Variants in PRH1 observed in about 807,000 individuals in gnomAD.
PRH1 encodes proline rich protein HaeIII subfamily 1.
A neutral mutation model predicts 7.9 loss-of-function variants in PRH1; 7 were observed. The observed-to-expected ratio is 0.89, with a 90% CI of 0.50 to 1.67. PRH1 has a LOEUF of 1.67. Ranked by LOEUF, PRH1 falls within the 40% of genes most tolerant of loss-of-function variation. The pLI is 0.00. For missense variants in PRH1, 109 were observed against 223.6 expected, an observed-to-expected ratio of 0.49 and a Z score of 3.27; for synonymous variants, 45 against 80.8, an observed-to-expected ratio of 0.56 and a Z score of 2.38.
chr12:10,949,278 A>C (rs1184362686), intron 2 of PRH1, among the ~76,000 whole-genome samples: 1 of 152,182 alleles, frequency 6.6e-6, no homozygotes, highest in African/African-American at 2.4e-5. Context: ...TGTGGGACCC[A>C]TGGAAGTCTA....
chr12:10,882,172 C>A, intron 3 of PRH1, 45 bp downstream of exon 3: 1 of 1,608,370 alleles, frequency 6.2e-7, no homozygotes, highest in Non-Finnish European at 8.5e-7. Flanking sequence ...AGTTGGAGAA[C>A]TGTAGCAGTT....
intron 2 of PRH1, among the ~76,000 whole-genome samples, chr12:10,923,050 G>A (rs1185148554): frequency 6.7e-6 from 1 of 149,074 alleles, no homozygotes; most frequent in Non-Finnish European, 1.5e-5. Flanking sequence ...GGATGGTCTC[G>A]ATCTCCTGAC....
At chr12:11,163,809 A>G (rs1947487758) in intron 1 of PRH1, among the ~76,000 whole-genome samples, 1 of 152,222 alleles carries the variant, frequency 6.6e-6, no homozygotes. Context: ...ACTCTACCAT[A>G]TACCATCCCC....
chr12:11,162,961 T>C (rs1410990724), intron 1 of PRH1, among the ~76,000 whole-genome samples: 1 of 152,182 alleles, frequency 6.6e-6, no homozygotes, highest in Non-Finnish European at 1.5e-5. Flanking sequence ...ATGAGAAAGA[T>C]TGCTATATAG....
At chr12:11,135,638 G>T (rs1480080259) in intron 1 of PRH1, among the ~76,000 whole-genome samples, 1 of 152,160 alleles carries the variant, frequency 6.6e-6, no homozygotes, top group African/African-American at 2.4e-5. Context: ...TGGGAAATGT[G>T]TACAACCTTG....
chr12:10,984,569 T>G (rs763812843), intron 1 of PRH1, among the ~76,000 whole-genome samples: 3 of 152,108 alleles, frequency 2.0e-5, no homozygotes, highest in Admixed American at 1.3e-4. Flanking sequence ...GAGTCAACAG[T>G]AAGCAAGATC....
intron 1 of PRH1, among the ~76,000 whole-genome samples, chr12:10,989,162 G>A (rs1475725485): frequency 6.6e-6 from 1 of 151,698 alleles, no homozygotes; most frequent in South Asian, 2.1e-4. Context: ...TCTATGATAC[G>A]GTTTTACCTA....
chr12:11,126,403 A>C (rs1472534667), intron 1 of PRH1, among the ~76,000 whole-genome samples: 1 of 151,500 alleles, frequency 6.6e-6, no homozygotes, highest in Non-Finnish European at 1.5e-5. Context: ...ATGTAGTGCA[A>C]ATTTGTTCAT....
chr12:11,135,503 C>T (rs1946523599), intron 1 of PRH1, among the ~76,000 whole-genome samples: 1 of 95,414 alleles, frequency 1.0e-5, no homozygotes. Context: ...CCAGAGCTAT[C>T]CAACAAACCC....
chr12:11,132,881 C>T (rs1037937421), intron 1 of PRH1: 1 of 162,538 alleles, frequency 6.2e-6, no homozygotes, highest in African/African-American at 2.4e-5. Flanking sequence ...TGTAAGCACA[C>T]TGTGGTATAT....
chr12:11,141,912 G>A (rs1157952701), intron 1 of PRH1, among the ~76,000 whole-genome samples: 2 of 152,042 alleles, frequency 1.3e-5, no homozygotes, highest in East Asian at 3.9e-4. Context: ...CTCACCTTCT[G>A]GAGTAGCTGG....
intron 1 of PRH1, among the ~76,000 whole-genome samples, chr12:11,154,301 C>T (rs997169096): frequency 8.5e-5 from 13 of 152,222 alleles, no homozygotes; most frequent in South Asian, 2.1e-4. Context: ...TTTTCATCTG[C>T]TCTGAGGGTT....
In PRH1 at chr12:11,086,332, T is replaced by TA. The variant is rs1462128601; in HGVS notation, n.124-39145dup. Among the ~76,000 whole-genome samples the TA allele has an allele frequency of 8.4e-5, 10 of 118,502 alleles. 1 individual carries two copies. Among genetic ancestry groups the TA allele is most frequent in the African/African-American group, 2.8e-4 (10 of 35,484 alleles). The allele number at this position is 118,502 out of a possible 152,430, so 77.7% of individuals were successfully genotyped here. A position where few individuals can be genotyped will look rare whatever the true frequency, so the allele number is the denominator to read the frequency against. ...ATTTTATAACTATTCCTCGGACACT[T>TA]AAAAAACGTGTTCCATTGAAGAGTC... On this transcript the variant is annotated intron_variant and non_coding_transcript_variant, in intron 1 of 4. Transcript: ENST00000541977.
upstream of PRH1, among the ~76,000 whole-genome samples, chr12:10,885,802 T>G (rs536055544): frequency 5.3e-5 from 8 of 152,358 alleles, no homozygotes; most frequent in African/African-American, 1.9e-4. Context: ...GTTGGAGGCA[T>G]GGCTGAGAAG....
At chr12:11,171,525 T>G (rs1215280268), upstream of PRH1, 2 of 1,232,184 alleles carry the variant, frequency 1.6e-6, no homozygotes, top group Non-Finnish European at 2.0e-6. Flanking sequence ...CGTCGCGGGC[T>G]CGGTGATCCT....
chr12:10,996,173 C>CA (rs1940221227), intron 1 of PRH1, among the ~76,000 whole-genome samples: 1 of 150,344 alleles, frequency 6.7e-6, no homozygotes, highest in Non-Finnish European at 1.5e-5. Flanking sequence ...AAGAAAAATA[C>CA]AAAAAATTAG....
downstream of PRH1, among the ~76,000 whole-genome samples, chr12:11,118,112 C>T (rs1190647455): frequency 6.6e-6 from 1 of 151,992 alleles, no homozygotes; most frequent in African/African-American, 2.4e-5. Context: ...AAGGTATGAT[C>T]AACAAAGTGA....
intron 1 of PRH1, among the ~76,000 whole-genome samples, chr12:11,065,739 C>T (rs1335023262): frequency 6.6e-6 from 1 of 152,162 alleles, no homozygotes; most frequent in Non-Finnish European, 1.5e-5. Context: ...TTTTAGCACA[C>T]CTGACATGAA....
chr12:10,935,187 A>G (rs892660507), intron 2 of PRH1, among the ~76,000 whole-genome samples: 1 of 152,164 alleles, frequency 6.6e-6, no homozygotes, highest in Non-Finnish European at 1.5e-5. Flanking sequence ...ACTTTGCAGA[A>G]TAACCTTATA....
Sources: gnomAD v4.1 joint callset for allele counts (sites outside exome capture counted in the v4.1 genomes callset) on GRCh38, gnomAD v4.1.1 for gene constraint, MANE v1.5 for transcripts, NCBI Gene and HGNC (gene_info 2026-07-23, HGNC 2026-07-21) for gene names.